PCDHGB5: variants seen among roughly 807,000 people sequenced by gnomAD.
The protein encoded by PCDHGB5 is protocadherin gamma subfamily B, 5.
Under a neutral mutation model 62.9 loss-of-function variants are expected in PCDHGB5, and 48 were observed. The ratio of observed to expected loss-of-function variants is 0.76; its 90% CI spans 0.61 to 0.97. PCDHGB5 has a LOEUF of 0.97. Ranked by LOEUF, PCDHGB5 falls within the 50% of genes least tolerant of loss-of-function variation. The probability of loss-of-function intolerance (pLI) is 0.00; values close to 1 mark genes in which losing one functional copy is unlikely to be tolerated. For synonymous variants in PCDHGB5, 474 were observed against 511.2 expected, an observed-to-expected ratio of 0.93 and a Z score of 0.98; for missense variants, 1,118 against 1,198.6, an observed-to-expected ratio of 0.93 and a Z score of 0.99.
At chr5:141,469,992 G>A (rs894673835) in intron 1 of PCDHGB5, among the ~76,000 whole-genome samples, 10 of 152,054 alleles carry the variant, frequency 6.6e-5, no homozygotes, top group South Asian at 2.1e-4. Context: ...TTAGCTGGTC[G>A]TCGTGGCACG....
chr5:141,422,211 CTT>C (rs1339862278), intron 1 of PCDHGB5: 1 of 1,563,166 alleles, frequency 6.4e-7, no homozygotes, highest in African/African-American at 1.4e-5. Context: ...GTGGAGGTCT[CTT>C]TACCACCACG....
chr5:141,476,850 A>C lies in PCDHGB5; in HGVS notation c.2398-17957A>C, dbSNP rs747333239. Reference sequence around the variant, plus strand: ...GCGAATGACAATGCGCCTGTCTTCAACCAGTCCTTGTACCGGGCGCGCGTC... The same window carrying C: ...GCGAATGACAATGCGCCTGTCTTCACCCAGTCCTTGTACCGGGCGCGCGTC... On this transcript the variant is annotated intron_variant, in intron 1 of 3. Transcript: ENST00000617380. The surrounding 1 kb of genome is among the most constrained non-coding windows in gnomAD (Gnocchi z 7.6). The C allele has an allele frequency of 5.6e-6, 9 of 1,613,718 alleles. No individual in the cohort carries two copies. Among genetic ancestry groups the C allele is most frequent in the Non-Finnish European group, 7.6e-6 (9 of 1,180,054 alleles).
Position 141,485,164 on chromosome 5 carries a change from G to A in PCDHGB5, c.2398-9643G>A, listed in dbSNP as rs2099608516. 2 of 1,605,832 alleles carry A rather than the reference G, an allele frequency of 1.2e-6. No homozygotes were observed. Among genetic ancestry groups the A allele is most frequent in the Admixed American group, 1.7e-5 (1 of 59,836 alleles). On this transcript the variant is annotated intron_variant, in intron 1 of 3. Coordinates refer to ENST00000617380, the MANE Select transcript of PCDHGB5 (RefSeq NM_018925.3). This position sits in a 1 kb window ranked among gnomAD's most constrained non-coding sequence, Gnocchi z 5.7. ...CTCAGGAGCAAGTAGAGAATTAGCG[G>A]GCGGCAGCAATGCTCCGCAAGGTGA...
Position 141,422,740 on chromosome 5 carries a change from T to C in PCDHGB5, c.2397+22216T>C, listed in dbSNP as rs536737009. The C allele has an allele frequency of 2.7e-5, 43 of 1,609,962 alleles. 1 individual carries two copies. In the South Asian group the frequency reaches 4.8e-4, roughly 18 times the overall value. On this transcript the variant is annotated intron_variant, in intron 1 of 3. Transcript: ENST00000617380. ...TGTCCAGGGGGTGCCTCTGTCCTCC[T>C]ATGTCTCTATTAACTCCAACACTGG... is the stretch of plus-strand genomic sequence containing the variant.
rs763104309 is a variant in PCDHGB5, at chr5:141,432,042, G to A, written c.2397+31518G>A. 5 of 1,614,090 alleles carry A rather than the reference G, an allele frequency of 3.1e-6. No homozygotes were observed. The African/African-American group carries it at 6.7e-5, about 22-fold the overall frequency. ...ATCACAGTGACCGCCACTGACCGGG[G>A]AACCCCGCCCCTATCCACGGAAACT... On this transcript the variant is annotated intron_variant, in intron 1 of 3. Transcript: ENST00000617380. The surrounding 1 kb of genome is among the most constrained non-coding windows in gnomAD (Gnocchi z 6.0).
intron 1 of PCDHGB5, chr5:141,403,857 C>T (rs1431988074): frequency 6.2e-7 from 1 of 1,613,412 alleles, no homozygotes; most frequent in South Asian, 1.1e-5. Flanking sequence ...GGGGAAATAT[C>T]AACAGCAAAA....
At chr5:141,420,175 T>C (rs901184536) in intron 1 of PCDHGB5, 6 of 1,614,004 alleles carry the variant, frequency 3.7e-6, no homozygotes, top group Non-Finnish European at 5.1e-6. Context: ...CATCTGTTGA[T>C]CATTGTCCAG....
intron 1 of PCDHGB5, chr5:141,419,506 C>A (rs527369615): frequency 6.2e-6 from 10 of 1,612,352 alleles, no homozygotes; most frequent in Middle Eastern, 1.7e-4. Context: ...TGAGCCTGCG[C>A]GTGTTGGTGG....
chr5:141,433,232 C>T (rs1344380820), intron 1 of PCDHGB5: 1 of 1,516,488 alleles, frequency 6.6e-7, no homozygotes, highest in Admixed American at 1.9e-5. Flanking sequence ...ATTGCTCTGT[C>T]TCCCAAGCTG....
chr5:141,437,408 G>A (rs1591455458), intron 1 of PCDHGB5, among the ~76,000 whole-genome samples: 1 of 152,200 alleles, frequency 6.6e-6, no homozygotes, highest in Non-Finnish European at 1.5e-5. Flanking sequence ...CATTCCAGAA[G>A]TATTATGCTT....
chr5:141,414,710 A>C (rs1253697066), intron 1 of PCDHGB5: 4 of 1,613,836 alleles, frequency 2.5e-6, no homozygotes, highest in African/African-American at 1.3e-5. Flanking sequence ...ATATCCATCA[A>C]CTCAGACACT....
At chr5:141,414,622 C>T in intron 1 of PCDHGB5, 1 of 1,613,956 alleles carries the variant, frequency 6.2e-7, no homozygotes. Context: ...AGCGCTGGAC[C>T]CGGACAGCAA....
In PCDHGB5 at chr5:141,399,794, C is replaced by A. The variant is rs2093888579; in HGVS notation, c.1667C>A (p.Pro556Gln). ...GTGGGCGACCGAAACGACAACGCAC[C>A]GCGGGTGCTGTACCCCGCGCTGGGT... is the stretch of plus-strand genomic sequence containing the variant. ...VLVGDRNDNA[P>Q]RVLYPALGPD... The change falls in exon 1 of 4, where the codon CCG (proline) becomes CAG (glutamine). Residue 556 changes from proline (P) to glutamine (Q), a missense_variant. Around this residue, in one of 2 missense-constraint regions of PCDHGB5, gnomAD observed 1,034 missense variants for 1,029.1 expected, o/e 1.00. Transcript: ENST00000617380. 1.9e-6 allele frequency: 3 copies of A among 1,613,268 alleles called. No homozygotes were observed. The highest frequency in any genetic ancestry group is 1.1e-5 in the South Asian group (1 of 91,052).
intron 1 of PCDHGB5, chr5:141,405,646 T>G: frequency 1.9e-6 from 1 of 526,208 alleles, no homozygotes; most frequent in East Asian, 3.2e-5. Flanking sequence ...GGCTAATTTT[T>G]TGTGTGTTTT....
chr5:141,443,244 G>A (rs1277982376), intron 1 of PCDHGB5, among the ~76,000 whole-genome samples: 4 of 151,542 alleles, frequency 2.6e-5, no homozygotes, highest in African/African-American at 9.7e-5. Flanking sequence ...ACTTTGGGGC[G>A]CCAAGGCGGG....
intron 1 of PCDHGB5, among the ~76,000 whole-genome samples, chr5:141,455,243 A>G (rs945218710): frequency 1.3e-5 from 2 of 152,146 alleles, no homozygotes; most frequent in Non-Finnish European, 2.9e-5. Flanking sequence ...GTTAAAGGTC[A>G]TAGTACAATC....
chr5:141,485,380 G>A lies in PCDHGB5; in HGVS notation c.2398-9427G>A. The A allele has an allele frequency of 1.9e-6, 3 of 1,614,146 alleles. No individual in the cohort carries two copies. The highest frequency in any genetic ancestry group is 2.5e-6 in the Non-Finnish European group (3 of 1,180,032). On this transcript the variant is annotated intron_variant, in intron 1 of 3. Coordinates refer to ENST00000617380, the MANE Select transcript of PCDHGB5 (RefSeq NM_018925.3). This position sits in a 1 kb window ranked among gnomAD's most constrained non-coding sequence, Gnocchi z 5.7. ...CTCGCAGGCTGCAGGTCGCTGGAGA[G>A]GTGAACCAAAGACACTTCCGTGTGG... is the stretch of plus-strand genomic sequence containing the variant.
intron 1 of PCDHGB5, among the ~76,000 whole-genome samples, chr5:141,464,803 G>A (rs933573443): frequency 1.5e-4 from 23 of 152,092 alleles, no homozygotes; most frequent in African/African-American, 5.1e-4. Context: ...CAGTGATGCA[G>A]TCATAGCTCA....
intron 1 of PCDHGB5, chr5:141,428,217 C>A: frequency 8.3e-7 from 1 of 1,211,998 alleles, no homozygotes; most frequent in Non-Finnish European, 1.2e-6. Context: ...TTCACCTAGT[C>A]TTCGCAGACA....
Sources: allele counts gnomAD v4.1 joint callset (sites outside exome capture counted in the v4.1 genomes callset), GRCh38; gene constraint gnomAD v4.1.1; regional missense constraint gnomAD v4.1.1; non-coding constraint Gnocchi (gnomAD v3.1); transcripts MANE v1.5; gene names NCBI Gene and HGNC (gene_info 2026-07-23, HGNC 2026-07-21).